Variants in ADAM10 observed in about 807,000 individuals in gnomAD.
ADAM10 encodes the protein ADAM metallopeptidase domain 10, also known as disintegrin and metalloproteinase domain-containing protein 10.
In ADAM10, 17 loss-of-function variants were observed where a neutral mutation model predicts 90.1. The observed-to-expected ratio is 0.19, with a 90% CI of 0.13 to 0.28. The LOEUF is 0.28. Among genes scored for constraint, ADAM10 ranks in the 10% least tolerant of loss-of-function variants. The pLI, the probability that ADAM10 is intolerant of heterozygous loss-of-function variation, is 1.00. For missense variants in ADAM10, 610 were observed against 914.3 expected (o/e 0.67, Z 4.29); for synonymous variants, 310 against 298.6 (o/e 1.04, Z -0.40).
At position 58,664,147 on chromosome 15, in the gene ADAM10, C is replaced by T. The variant is rs553548395; in HGVS notation, c.585+950G>A. Among the ~76,000 whole-genome samples, 12 of 152,142 alleles carry T rather than the reference C, an allele frequency of 7.9e-5. No individual in the cohort carries two copies. The South Asian group carries it at 1.2e-3, about 16-fold the overall frequency. ...GCTTGGAATAGTCTTTCCATATCCT[C>T]ATGGCTAACCTAACTCCTACTTATT... is the stretch of plus-strand genomic sequence containing the variant. On this transcript the variant is annotated intron_variant, in intron 5 of 15. Transcript: ENST00000260408.
rs1391467392 is a variant in ADAM10 at position 58,655,700 on chromosome 15, ATATATATATAG to A, written c.585+9386_585+9396del. Among the ~76,000 whole-genome samples, 102 of 60,936 alleles carry A rather than the reference ATATATATATAG, an allele frequency of 1.7e-3. 3 individuals carry two copies. Among genetic ancestry groups the A allele is most frequent in the African/African-American group, 0.012 (98 of 8,106 alleles). The allele number at this position is 60,936 out of a possible 152,430, so 40.0% of individuals were successfully genotyped here. A position where few individuals can be genotyped will look rare whatever the true frequency, so the allele number is the denominator to read the frequency against. On this transcript the variant is annotated intron_variant, in intron 5 of 15. Coordinates refer to ENST00000260408, the MANE Select transcript of ADAM10 (RefSeq NM_001110.4). Reference sequence around the variant, plus strand: ...TACATATATATATTATATATAGTATATATATATATAGTATATATATATATATATATATATAT... The same window carrying A: ...TACATATATATATTATATATAGTATATATATATATATATATATATATATAT...
At chr15:58,657,228 C>A (rs1314404473) in intron 5 of ADAM10, among the ~76,000 whole-genome samples, 1 of 152,236 alleles carries the variant, frequency 6.6e-6, no homozygotes, top group East Asian at 1.9e-4. Context: ...ATGTTGATAT[C>A]TTTTTCTAGG....
intron 5 of ADAM10, among the ~76,000 whole-genome samples, chr15:58,653,308 A>C (rs1319242489): frequency 2.0e-5 from 3 of 152,312 alleles, no homozygotes; most frequent in African/African-American, 7.2e-5. Context: ...TCTTAGAAAA[A>C]AGGCTTTCAG....
chr15:58,602,608 A>G (rs939987751), intron 14 of ADAM10, among the ~76,000 whole-genome samples: 1 of 152,134 alleles, frequency 6.6e-6, no homozygotes, highest in African/African-American at 2.4e-5. Context: ...AGATATATAC[A>G]TACGTACATA....
At chr15:58,605,000 A>G (rs1895229901) in intron 14 of ADAM10, among the ~76,000 whole-genome samples, 1 of 152,176 alleles carries the variant, frequency 6.6e-6, no homozygotes, top group Non-Finnish European at 1.5e-5. Flanking sequence ...TCAACCTCCC[A>G]AAGTGCTAAG....
At chr15:58,659,424 A>G (rs1896916267) in intron 5 of ADAM10, among the ~76,000 whole-genome samples, 1 of 152,066 alleles carries the variant, frequency 6.6e-6, no homozygotes, top group Admixed American at 6.5e-5. Flanking sequence ...CCATGTGTTG[A>G]GTGCTGAAAT....
At chr15:58,621,154 T>C (rs1895771241) in intron 11 of ADAM10, among the ~76,000 whole-genome samples, 2 of 149,594 alleles carry the variant, frequency 1.3e-5, no homozygotes, top group Non-Finnish European at 3.0e-5. Flanking sequence ...TCCCAGCTAC[T>C]CAGGGGGCTG....
At chr15:58,745,076 T>A (rs1008037467) in intron 1 of ADAM10, among the ~76,000 whole-genome samples, 1 of 152,098 alleles carries the variant, frequency 6.6e-6, no homozygotes, top group Admixed American at 6.6e-5. Context: ...CTAGCTACTC[T>A]GGAGGCTGAG....
chr15:58,661,507 C>A (rs1159224551), intron 5 of ADAM10, among the ~76,000 whole-genome samples: 1 of 152,072 alleles, frequency 6.6e-6, no homozygotes, highest in African/African-American at 2.4e-5. Context: ...TGAGAAGTCA[C>A]CAGTTATACT....
rs1242764373 is a variant in ADAM10, at chr15:58,610,595, T to C, written c.1805-78A>G. 26 of 1,435,652 alleles carry C rather than the reference T, an allele frequency of 1.8e-5. No individual in the cohort carries two copies. The Admixed American group carries it at 3.9e-4, about 22-fold the overall frequency. The allele number at this position is 1,435,652 out of a possible 1,614,324, so 88.9% of individuals were successfully genotyped here. ...AAGATCAGATTTCCAGTTGTGCAAA[T>C]ACAAAGAGGGAAAAAAAACTGAAAT... On this transcript the variant is annotated intron_variant, in intron 13 of 15. Coordinates refer to ENST00000260408, the MANE Select transcript of ADAM10 (RefSeq NM_001110.4).
intron 1 of ADAM10, among the ~76,000 whole-genome samples, chr15:58,742,421 CCAT>C (rs140907626): frequency 1.4e-3 from 217 of 152,296 alleles, no homozygotes; most frequent in African/African-American, 4.8e-3. Context: ...ATACACTGAA[CCAT>C]CATCTCTGTT....
rs1395946856 is a variant in ADAM10 at position 58,682,323 on chromosome 15, T to C, written c.207-9A>G. 4.3e-6 allele frequency: 7 copies of C among 1,610,280 alleles called. No homozygotes were observed. The highest frequency in any genetic ancestry group is 5.9e-6 in the Non-Finnish European group (7 of 1,178,644). On this transcript the variant is annotated splice_polypyrimidine_tract_variant and intron_variant, in intron 2 of 15. Transcript: ENST00000260408. Reference sequence around the variant, plus strand: ...TTCGTAGGTTGAAATGTCTGTAAAATGGGATGGGAAGGGGGAACAACTGAA... The same window carrying C: ...TTCGTAGGTTGAAATGTCTGTAAAACGGGATGGGAAGGGGGAACAACTGAA...
chr15:58,645,807 C>A (rs955668138), intron 6 of ADAM10, among the ~76,000 whole-genome samples: 2 of 152,152 alleles, frequency 1.3e-5, no homozygotes, highest in Admixed American at 1.3e-4. Context: ...AACTCTCTTT[C>A]CAAAGCTAAA....
At chr15:58,707,840 C>A (rs1222936678) in intron 2 of ADAM10, among the ~76,000 whole-genome samples, 2 of 151,922 alleles carry the variant, frequency 1.3e-5, no homozygotes, top group Non-Finnish European at 2.9e-5. Context: ...ACTTTGGGAG[C>A]CCGAGGCAGG....
chr15:58,592,497 G>C lies in ADAM10; in HGVS notation c.*5050C>G, dbSNP rs888941764. Reference sequence around the variant, plus strand: ...GTGCCTCCTGAATCTTTCTGATCTGGTACAAAACAATGTTTCCTAGGTTCT... The same window carrying C: ...GTGCCTCCTGAATCTTTCTGATCTGCTACAAAACAATGTTTCCTAGGTTCT... On this transcript the variant is annotated 3_prime_UTR_variant, in exon 16 of 16. Transcript: ENST00000260408. 4 of 152,180 alleles carry C rather than the reference G, an allele frequency of 2.6e-5. No individual in the cohort carries two copies. The highest frequency in any genetic ancestry group is 2.6e-4 in the Admixed American group (4 of 15,300). The allele number at this position is 152,180 out of a possible 1,614,324, so 9.4% of individuals were successfully genotyped here.
chr15:58,608,625 G>A (rs1421616146), intron 14 of ADAM10, among the ~76,000 whole-genome samples: 1 of 152,178 alleles, frequency 6.6e-6, no homozygotes, highest in East Asian at 1.9e-4. Flanking sequence ...ACTTGAAAGT[G>A]TCTGATTAAT....
At chr15:58,733,568 A>G (rs1347925606) in intron 1 of ADAM10, among the ~76,000 whole-genome samples, 2 of 152,222 alleles carry the variant, frequency 1.3e-5, no homozygotes, top group Admixed American at 1.3e-4. Context: ...GGATGTGCAC[A>G]GGTTATATGC....
intron 14 of ADAM10, among the ~76,000 whole-genome samples, chr15:58,603,338 A>T (rs1379401885): frequency 6.6e-6 from 1 of 152,204 alleles, no homozygotes; most frequent in African/African-American, 2.4e-5. Context: ...AAAGTTTAGC[A>T]TCCCTGGCCC....
chr15:58,713,882 G>A (rs1898558931), intron 2 of ADAM10, among the ~76,000 whole-genome samples: 3 of 150,850 alleles, frequency 2.0e-5, no homozygotes, highest in African/African-American at 4.9e-5. Context: ...GCGTGATCTC[G>A]GCTCACTGCA....
Sources: gnomAD v4.1 joint callset for allele counts (sites outside exome capture counted in the v4.1 genomes callset) on GRCh38, gnomAD v4.1.1 for gene constraint, MANE v1.5 for transcripts, NCBI Gene and HGNC (gene_info 2026-07-23, HGNC 2026-07-21) for gene names.